TANK: variants seen among roughly 807,000 people sequenced by gnomAD.
TANK encodes the protein TRAF family member-associated NF-kappa-B activator.
In TANK, 15 loss-of-function variants were observed where a neutral mutation model predicts 43.6. That is an observed-to-expected ratio of 0.34 (90% CI 0.23 to 0.53). TANK has a LOEUF of 0.53. TANK is among the 20% of genes least tolerant of loss of function. The probability of loss-of-function intolerance (pLI) is 0.94; values close to 1 mark genes in which losing one functional copy is unlikely to be tolerated. For missense variants in TANK, 417 were observed against 498.6 expected, an observed-to-expected ratio of 0.84 and a Z score of 1.56; for synonymous variants, 162 against 178.2, an observed-to-expected ratio of 0.91 and a Z score of 0.73.
intron 2 of TANK, among the ~76,000 whole-genome samples, chr2:161,189,584 C>T (rs1464401170): frequency 2.6e-5 from 4 of 151,930 alleles, no homozygotes; most frequent in East Asian, 3.8e-4. Context: ...AAATTGGATA[C>T]GAAGAAATAA....
intron 2 of TANK, among the ~76,000 whole-genome samples, chr2:161,188,037 ACTT>A (rs1685742865): frequency 6.6e-6 from 1 of 152,162 alleles, no homozygotes; most frequent in African/African-American, 2.4e-5. Context: ...AAGTACCAAA[ACTT>A]CTAGGATGCA....
intron 1 of TANK, chr2:161,162,014 A>T (rs1684462599): frequency 1.3e-5 from 2 of 152,276 alleles, no homozygotes; most frequent in South Asian, 4.1e-4. Context: ...TGATTTTTGT[A>T]TGCTAAGATA....
chr2:161,163,410 C>G (rs566705028), intron 1 of TANK: 1 of 151,800 alleles, frequency 6.6e-6, no homozygotes. Context: ...TTATTTCCCC[C>G]CTACACACAA....
At chr2:161,219,315 A>C (rs2105374382) in intron 4 of TANK, among the ~76,000 whole-genome samples, 1 of 152,306 alleles carries the variant, frequency 6.6e-6, no homozygotes, top group Non-Finnish European at 1.5e-5. Context: ...CTTGGAAGTA[A>C]TTAGGGTGTT....
At chr2:161,161,664 A>G (rs1684444175) in intron 1 of TANK, 1 of 533,096 alleles carries the variant, frequency 1.9e-6, no homozygotes, top group African/African-American at 1.9e-5. Context: ...ATATATGGTG[A>G]AAGTCTTGCC....
At chr2:161,180,563 G>T (rs1435379975) in intron 2 of TANK, among the ~76,000 whole-genome samples, 1 of 152,128 alleles carries the variant, frequency 6.6e-6, no homozygotes, top group African/African-American at 2.4e-5. Flanking sequence ...GTAAAGAGCA[G>T]AATTTTATTA....
At chr2:161,181,277 A>C (rs1170299382) in intron 2 of TANK, among the ~76,000 whole-genome samples, 1 of 152,124 alleles carries the variant, frequency 6.6e-6, no homozygotes, top group East Asian at 1.9e-4. Context: ...AAAATTAGCC[A>C]GGCATGGTGG....
At chr2:161,196,720 T>C (rs1686167880) in intron 2 of TANK, among the ~76,000 whole-genome samples, 1 of 152,006 alleles carries the variant, frequency 6.6e-6, no homozygotes, top group Non-Finnish European at 1.5e-5. Context: ...CCAGGTGTGA[T>C]GCGGGAGCGC....
At chr2:161,232,650 A>G in intron 7 of TANK, 2 of 1,394,018 alleles carry the variant, frequency 1.4e-6, no homozygotes, top group Non-Finnish European at 1.9e-6. Context: ...TGCAAGTAGA[A>G]TTCCTGTGGA....
In TANK at chr2:161,189,334, A is replaced by G. The variant is rs181320651; in HGVS notation, c.99+9573A>G. On this transcript the variant is annotated intron_variant, in intron 2 of 7. Transcript: ENST00000392749. ...TGATTCAGAAAAAGCATTTGATAAA[A>G]TTCAACACTGTTTTAGGATTTTAAG... Among the ~76,000 whole-genome samples, 4 of 152,326 alleles carry G rather than the reference A, an allele frequency of 2.6e-5. No homozygotes were observed. The East Asian group carries it at 7.7e-4, about 29-fold the overall frequency.
intron 7 of TANK, chr2:161,232,628 A>C (rs1350167408): frequency 7.7e-7 from 1 of 1,300,464 alleles, no homozygotes; most frequent in Non-Finnish European, 1.0e-6. Context: ...CAAATTAAAC[A>C]ATTTCATTTA....
chr2:161,169,380 G>A (rs1684841982), intron 1 of TANK, among the ~76,000 whole-genome samples: 1 of 152,204 alleles, frequency 6.6e-6, no homozygotes, highest in African/African-American at 2.4e-5. Context: ...TTGTTCAACA[G>A]TGAATAGCAT....
intron 1 of TANK, among the ~76,000 whole-genome samples, chr2:161,150,944 T>G (rs982826357): frequency 6.6e-6 from 1 of 152,226 alleles, no homozygotes; most frequent in African/African-American, 2.4e-5. Flanking sequence ...CTCTGAGCAC[T>G]GTTTTTACTG....
rs2105313597 is a variant in TANK at position 161,187,839 on chromosome 2, A to C, written c.99+8078A>C. On this transcript the variant is annotated intron_variant, in intron 2 of 7. Coordinates refer to ENST00000392749, the MANE Select transcript of TANK (RefSeq NM_001199135.3). ...AAAATGACTTAATAAATTTAAAAAG[A>C]TTAAAATCATGCTAAGTATATTTTC... Among the ~76,000 whole-genome samples, 2 of 152,342 alleles carry C rather than the reference A, an allele frequency of 1.3e-5. 1 individual carries two copies. The highest frequency in any genetic ancestry group is 4.1e-4 in the South Asian group (2 of 4,832).
upstream of TANK, among the ~76,000 whole-genome samples, chr2:161,158,222 A>C (rs1684276357): frequency 6.6e-6 from 1 of 152,232 alleles, no homozygotes; most frequent in African/African-American, 2.4e-5. Context: ...CCAAAGCCAC[A>C]TCACTGCTCA....
intron 2 of TANK, among the ~76,000 whole-genome samples, chr2:161,187,747 A>G (rs531300014): frequency 6.6e-6 from 1 of 152,268 alleles, no homozygotes; most frequent in South Asian, 2.1e-4. Flanking sequence ...ATATGTAAAA[A>G]CCCCAGCAAC....
At chr2:161,214,549 A>G (rs1687035474) in intron 4 of TANK, among the ~76,000 whole-genome samples, 1 of 152,004 alleles carries the variant, frequency 6.6e-6, no homozygotes, top group Non-Finnish European at 1.5e-5. Context: ...ACATTAAAGA[A>G]TACAGTGACA....
chr2:161,198,642 C>T (rs1305960038), intron 2 of TANK, among the ~76,000 whole-genome samples: 1 of 152,220 alleles, frequency 6.6e-6, no homozygotes, highest in East Asian at 1.9e-4. Context: ...TTTATATATT[C>T]TGTGTCTTTC....
At chr2:161,142,455 G>A (rs922721758) in intron 1 of TANK, among the ~76,000 whole-genome samples, 2 of 152,090 alleles carry the variant, frequency 1.3e-5, no homozygotes, top group African/African-American at 2.4e-5. Context: ...ATGGTTTTAG[G>A]TCTTATGTTT....
Sources: gnomAD v4.1 joint callset for allele counts (sites outside exome capture counted in the v4.1 genomes callset) on GRCh38, gnomAD v4.1.1 for gene constraint, MANE v1.5 for transcripts, NCBI Gene and HGNC (gene_info 2026-07-23, HGNC 2026-07-21) for gene names.